Variants in TBRG1 observed in about 807,000 individuals in gnomAD.
TBRG1 encodes the protein nuclear interactor of ARF and MDM2.
In TBRG1, 31 loss-of-function variants were observed where a neutral mutation model predicts 44.0. The observed-to-expected ratio is 0.70, with a 90% CI of 0.53 to 0.95. TBRG1 has a LOEUF of 0.95. TBRG1 is among the 40% of genes least tolerant of loss of function. TBRG1 has a pLI of 0.00. For missense variants in TBRG1, 487 were observed against 496.1 expected (o/e 0.98, Z 0.18); for synonymous variants, 171 against 188.1 (o/e 0.91, Z 0.74).
chr11:124,630,803 C>T lies in TBRG1; in HGVS notation c.895C>T (p.Pro299Ser). ...AGADFFGFSH[P>S]AIHNLIQSCP... ...AGCTGACTTTTTTGGATTTTCTCAT[C>T]CAGCCATCCACAACCTGATCCAGAG... is the stretch of plus-strand genomic sequence containing the variant. Residue 299 changes from proline to serine, a missense_variant, in exon 7 of 9, where the codon CCA becomes TCA. Coordinates refer to ENST00000441174, the MANE Select transcript of TBRG1 (RefSeq NM_032811.3). The T allele has an allele frequency of 6.2e-7, 1 of 1,606,984 alleles. No individual in the cohort carries two copies. The highest frequency in any genetic ancestry group is 1.7e-4 in the Middle Eastern group (1 of 6,056).
At chr11:124,626,719 A>G in intron 4 of TBRG1, 110 bp downstream of exon 4, 4 of 1,426,618 alleles carry the variant, frequency 2.8e-6, no homozygotes, top group Non-Finnish European at 3.9e-6. Context: ...ATCCATACCA[A>G]CCCCAGCGTA....
chr11:124,633,834 A>C lies in TBRG1; in HGVS notation c.*1596A>C, dbSNP rs1175198742. ...ATATATGCTGCTTTTATCATATAAC[A>C]AATATTTTCCCACTATTACAGCCTG... On this transcript the variant is annotated 3_prime_UTR_variant, in exon 9 of 9. Transcript: ENST00000441174. 1 of 152,202 alleles carries C rather than the reference A, an allele frequency of 6.6e-6. No individual in the cohort carries two copies. Among genetic ancestry groups the C allele is most frequent in the Non-Finnish European group, 1.5e-5 (1 of 68,036 alleles). The allele number at this position is 152,202 out of a possible 1,614,324, so 9.4% of individuals were successfully genotyped here. A position where few individuals can be genotyped will look rare whatever the true frequency, so the allele number is the denominator to read the frequency against.
At position 124,623,041 on chromosome 11, in the gene TBRG1, C is replaced by T; in HGVS notation, c.-43C>T. On this transcript the variant is annotated 5_prime_UTR_variant, in exon 1 of 9. Transcript: ENST00000441174. ...CCCGCCCGCTCCCCGACTTAGGATC[C>T]GATGCCGGCAGCGTCCTGGGGCCCC... 1.3e-6 allele frequency: 2 copies of T among 1,495,008 alleles called. No homozygotes were observed. The highest frequency in any genetic ancestry group is 1.8e-6 in the Non-Finnish European group (2 of 1,123,814). The allele number at this position is 1,495,008 out of a possible 1,614,324, so 92.6% of individuals were successfully genotyped here. A position where few individuals can be genotyped will look rare whatever the true frequency, so the allele number is the denominator to read the frequency against.
Position 124,624,917 on chromosome 11 carries a change from A to G in TBRG1, c.151-14A>G. The stretch of plus-strand genomic sequence containing the variant: ...ATTCATTTTATGTTATTATATTCAC[A>G]TTTTTACTTAAAGGAAAATGCTGCT... On this transcript the variant is annotated splice_polypyrimidine_tract_variant and intron_variant, in intron 1 of 8. Coordinates refer to ENST00000441174, the MANE Select transcript of TBRG1 (RefSeq NM_032811.3). 6.7e-7 allele frequency: 1 copy of G among 1,501,468 alleles called. No individual in the cohort carries two copies. The highest frequency in any genetic ancestry group is 9.1e-7 in the Non-Finnish European group (1 of 1,104,558). 93.0% of individuals were successfully genotyped at this position (1,501,468 alleles called of 1,614,324 possible). A position where few individuals can be genotyped will look rare whatever the true frequency, so the allele number is the denominator to read the frequency against.
Position 124,626,517 on chromosome 11 carries a change from C to T in TBRG1, c.499C>T (p.Arg167Cys), listed in dbSNP as rs1565399454. The part of the protein sequence containing the change: ...CKKKKMAGGA[R>C]KLVQPIALDP... ...GAAAAAGAAAATGGCGGGAGGTGCT[C>T]GCAAGCTGGTTCAGCCCATTGCCCT... The change falls in exon 4 of 9, where the codon CGC (arginine) becomes TGC (cysteine). Residue 167 changes from arginine to cysteine, a missense_variant. By Grantham distance (180) the Arg-to-Cys change is radical (BLOSUM62 -3). Transcript: ENST00000441174. 1.9e-6 allele frequency: 3 copies of T among 1,549,976 alleles called. No individual in the cohort carries two copies. Among genetic ancestry groups the T allele is most frequent in the South Asian group, 2.4e-5 (2 of 83,836 alleles).
intron 3 of TBRG1, 102 bp downstream of exon 3, chr11:124,626,005 G>T: frequency 7.1e-7 from 1 of 1,415,418 alleles, no homozygotes; most frequent in Non-Finnish European, 9.3e-7. Flanking sequence ...GATGTACTTA[G>T]AGTCTCATCT....
chr11:124,626,336 G>A (rs1942468210), intron 3 of TBRG1, 137 bp from the exon 4 acceptor site: 18 of 816,148 alleles, frequency 2.2e-5, no homozygotes, highest in Admixed American at 5.9e-5. Context: ...GGCTTTGGGC[G>A]AAAGCCCCAT....
At chr11:124,632,039 C>G in intron 8 of TBRG1, 54 bp from the exon 9 acceptor site, 1 of 1,551,452 alleles carries the variant, frequency 6.4e-7, no homozygotes, top group Non-Finnish European at 8.9e-7. Flanking sequence ...CTGACCAAAA[C>G]AGTCTGCCCA....
At chr11:124,628,613 TAAAAC>T (rs1942539049) in intron 5 of TBRG1, among the ~76,000 whole-genome samples, 1 of 147,508 alleles carries the variant, frequency 6.8e-6, no homozygotes, top group African/African-American at 2.5e-5. Flanking sequence ...GAAATGCAAA[TAAAAC>T]AAAACTGAGA....
At position 124,634,164 on chromosome 11, in the gene TBRG1, C is replaced by T. The variant is rs532856337; in HGVS notation, c.*1926C>T. On this transcript the variant is annotated 3_prime_UTR_variant, in exon 9 of 9. Coordinates refer to ENST00000441174, the MANE Select transcript of TBRG1 (RefSeq NM_032811.3). The stretch of plus-strand genomic sequence containing the variant: ...TCGAGACCATCCTGGCTAAGTCGGT[C>T]TCTAATAAAAATACAAAAAATTAGC... 2.0e-5 allele frequency: 3 copies of T among 152,266 alleles called. No homozygotes were observed. Among genetic ancestry groups the T allele is most frequent in the Admixed American group, 2.0e-4 (3 of 15,294 alleles). The allele number at this position is 152,266 out of a possible 1,614,324, so 9.4% of individuals were successfully genotyped here.
Position 124,632,284 on chromosome 11 carries a change from A to C in TBRG1, c.*46A>C, listed in dbSNP as rs756116945. The C allele has an allele frequency of 6.3e-7, 1 of 1,582,444 alleles. No individual in the cohort carries two copies. The highest frequency in any genetic ancestry group is 8.6e-7 in the Non-Finnish European group (1 of 1,159,524). ...ACATCGTTTTTGTCGTGATTAATTT[A>C]ACTTAAACTAAAATTTTGGGTATAT... On this transcript the variant is annotated 3_prime_UTR_variant, in exon 9 of 9. Transcript: ENST00000441174.
chr11:124,630,949 C>A, intron 7 of TBRG1, 94 bp downstream of exon 7: 2 of 925,282 alleles, frequency 2.2e-6, no homozygotes, highest in Non-Finnish European at 1.7e-6. Flanking sequence ...CCTTCTGTGT[C>A]CAAAGCCTGC....
At position 124,623,003 on chromosome 11, in the gene TBRG1, C is replaced by T; in HGVS notation, c.-81C>T. On this transcript the variant is annotated 5_prime_UTR_variant, in exon 1 of 9. Transcript: ENST00000441174. ...CCCGATTCCGCTAGCCCGGAACAGACAAAGCCAGCGCTCCCGCCCGCTCCC... is the reference window on the plus strand; with the variant it reads ...CCCGATTCCGCTAGCCCGGAACAGATAAAGCCAGCGCTCCCGCCCGCTCCC... The T allele has an allele frequency of 1.4e-6, 2 of 1,417,614 alleles. No homozygotes were observed. Among genetic ancestry groups the T allele is most frequent in the Non-Finnish European group, 1.9e-6 (2 of 1,072,730 alleles). The allele number at this position is 1,417,614 out of a possible 1,614,324, so 87.8% of individuals were successfully genotyped here. A position where few individuals can be genotyped will look rare whatever the true frequency, so the allele number is the denominator to read the frequency against.
In TBRG1 at chr11:124,634,601, G is replaced by A. The variant is rs576398515; in HGVS notation, c.*2363G>A. 1 of 152,172 alleles carries A rather than the reference G, an allele frequency of 6.6e-6. No homozygotes were observed. The highest frequency in any genetic ancestry group is 1.9e-4 in the East Asian group (1 of 5,176). 9.4% of individuals were successfully genotyped at this position (152,172 alleles called of 1,614,324 possible). On this transcript the variant is annotated 3_prime_UTR_variant, in exon 9 of 9. Transcript: ENST00000441174. ...AATAACTGGACGAGTGTGGTATGATGTTTGCATGTGATATTCATTACAGTA... is the reference window on the plus strand; with the variant it reads ...AATAACTGGACGAGTGTGGTATGATATTTGCATGTGATATTCATTACAGTA...
At chr11:124,625,091 T>TC (rs982795428) in intron 2 of TBRG1, 90 bp downstream of exon 2, 5 of 917,354 alleles carry the variant, frequency 5.5e-6, no homozygotes, top group Non-Finnish European at 8.5e-6. Flanking sequence ...AGACTTTTTT[T>TC]CCCAGTGGGA....
Position 124,632,988 on chromosome 11 carries a change from C to G in TBRG1, c.*750C>G, listed in dbSNP as rs894008261. 2 of 152,184 alleles carry G rather than the reference C, an allele frequency of 1.3e-5. No individual in the cohort carries two copies. The highest frequency in any genetic ancestry group is 2.9e-5 in the Non-Finnish European group (2 of 68,030). 9.4% of individuals were successfully genotyped at this position (152,184 alleles called of 1,614,324 possible). On this transcript the variant is annotated 3_prime_UTR_variant, in exon 9 of 9. Coordinates refer to ENST00000441174, the MANE Select transcript of TBRG1 (RefSeq NM_032811.3). ...AATATCAAGTCCCAGCCCCTGCAAC[C>G]CAGGCTGCTGCTTAATTTTCATGTC...
chr11:124,626,420 C>T (rs1008200292), intron 3 of TBRG1, 53 bp from the exon 4 acceptor site: 2 of 1,453,580 alleles, frequency 1.4e-6, no homozygotes, highest in African/African-American at 2.9e-5. Context: ...TTTATCCCTT[C>T]CCTTCAACAT....
Position 124,626,936 on chromosome 11 carries a change from G to C in TBRG1, c.624G>C (p.Glu208Asp), listed in dbSNP as rs750502153. ...CCGACCGACCTGGCTTTCATGATGAGAGTGCCATCTACCCCGTGGGCTATT... is the reference window on the plus strand; with the variant it reads ...CCGACCGACCTGGCTTTCATGATGACAGTGCCATCTACCCCGTGGGCTATT... ...IITDRPGFHDESAIYPVGYCS... is the reference protein window; with the variant it reads ...IITDRPGFHDDSAIYPVGYCS... The change falls in exon 5 of 9, where the codon GAG becomes GAC. Residue 208 changes from glutamate to aspartate, a missense_variant. Glu to Asp is a conservative substitution (Grantham distance 45). Coordinates refer to ENST00000441174, the MANE Select transcript of TBRG1 (RefSeq NM_032811.3). The C allele has an allele frequency of 1.2e-6, 2 of 1,606,372 alleles. No individual in the cohort carries two copies. The highest frequency in any genetic ancestry group is 1.7e-6 in the Non-Finnish European group (2 of 1,176,054).
At position 124,632,936 on chromosome 11, in the gene TBRG1, A is replaced by G. The variant is rs1591378339; in HGVS notation, c.*698A>G. 1 of 152,072 alleles carries G rather than the reference A, an allele frequency of 6.6e-6. No individual in the cohort carries two copies. Among genetic ancestry groups the G allele is most frequent in the East Asian group, 1.9e-4 (1 of 5,180 alleles). The allele number at this position is 152,072 out of a possible 1,614,324, so 9.4% of individuals were successfully genotyped here. A position where few individuals can be genotyped will look rare whatever the true frequency, so the allele number is the denominator to read the frequency against. ...GATAGGGAGATTCTGACAAACTTCTACTCTTGATTGTGATCCTAATTCAAG... is the reference window on the plus strand; with the variant it reads ...GATAGGGAGATTCTGACAAACTTCTGCTCTTGATTGTGATCCTAATTCAAG... On this transcript the variant is annotated 3_prime_UTR_variant, in exon 9 of 9. Transcript: ENST00000441174.
Sources: gnomAD v4.1 joint callset for allele counts (sites outside exome capture counted in the v4.1 genomes callset) on GRCh38, gnomAD v4.1.1 for gene constraint, MANE v1.5 for transcripts, NCBI Gene and HGNC (gene_info 2026-07-23, HGNC 2026-07-21) for gene names.